The following ACSF3 variants were observed in gnomAD, a reference collection of about 807,000 sequenced individuals.
ACSF3 encodes malonate--CoA ligase ACSF3, mitochondrial.
ACSF3 carries 78 observed loss-of-function variants against 53.2 expected under a neutral mutation model. That is an observed-to-expected ratio of 1.47 (90% confidence interval 1.22 to 1.77). ACSF3 has a LOEUF of 1.77. Ranked by LOEUF, ACSF3 falls within the 40% of genes most tolerant of loss-of-function variation. ACSF3 has a pLI of 0.00. For synonymous variants in ACSF3, 414 were observed against 333.1 expected (o/e 1.24, Z -2.65); for missense variants, 937 against 771.1 (o/e 1.22, Z -2.55).
intron 8 of ACSF3, among the ~76,000 whole-genome samples, chr16:89,142,774 GACACCCACACCTGCAGAC>G (rs1238268188): frequency 0.014 from 1,603 of 112,918 alleles, 15 homozygotes; most frequent in East Asian, 0.04. Context: ...CACCTACAGA[GACACCCACACCTGCAGAC>G]ACACCCACAC....
chr16:89,131,121 CTTTTTCTTTTTTTTTT>C (rs1472219424), intron 7 of ACSF3, among the ~76,000 whole-genome samples: 88 of 114,930 alleles, frequency 7.7e-4, no homozygotes, highest in African/African-American at 2.5e-3. Flanking sequence ...TTTTCTTTTT[CTTTTTCTTTTTTTTTT>C]TTTTTTTTTT....
At chr16:89,116,243 G>A (rs1368460386) in intron 6 of ACSF3, among the ~76,000 whole-genome samples, 7 of 152,184 alleles carry the variant, frequency 4.6e-5, no homozygotes, top group Admixed American at 1.3e-4. Context: ...TTGAAAGTCC[G>A]TCGACTCCTG....
chr16:89,145,169 G>C (rs543506672), intron 8 of ACSF3, 98 bp from the exon 9 acceptor site: 1 of 1,612,746 alleles, frequency 6.2e-7, no homozygotes, highest in South Asian at 1.1e-5. Context: ...AGAGGACACC[G>C]TGGTGTTTAA....
chr16:89,107,443 G>A (rs569557500), intron 4 of ACSF3, among the ~76,000 whole-genome samples: 43 of 151,240 alleles, frequency 2.8e-4, no homozygotes, highest in African/African-American at 8.3e-4. Flanking sequence ...TGCTCTCCCC[G>A]CCTCGGCACC....
At chr16:89,126,079 C>T (rs1247023817) in intron 7 of ACSF3, among the ~76,000 whole-genome samples, 1 of 152,256 alleles carries the variant, frequency 6.6e-6, no homozygotes, top group African/African-American at 2.4e-5. Flanking sequence ...TTACTTAGAT[C>T]AGTGAACATG....
At chr16:89,111,411 G>A (rs1003012830) in intron 4 of ACSF3, among the ~76,000 whole-genome samples, 4 of 152,230 alleles carry the variant, frequency 2.6e-5, no homozygotes, top group South Asian at 4.1e-4. Flanking sequence ...CCGTGTGGGC[G>A]AGATCTGTCC....
chr16:89,119,957 G>A (rs368786220), intron 6 of ACSF3, among the ~76,000 whole-genome samples: 1 of 152,212 alleles, frequency 6.6e-6, no homozygotes, highest in African/African-American at 2.4e-5. Flanking sequence ...GCAGGCCAGG[G>A]CAAAGGCCTC....
At chr16:89,140,680 C>T (rs185628376) in intron 8 of ACSF3, among the ~76,000 whole-genome samples, 5 of 152,270 alleles carry the variant, frequency 3.3e-5, no homozygotes, top group Admixed American at 2.0e-4. Flanking sequence ...ATCTTGCGTG[C>T]GGGTCAGGAC....
chr16:89,143,231 G>A (rs59511017), intron 8 of ACSF3, among the ~76,000 whole-genome samples: 3,376 of 149,344 alleles, frequency 0.023, 97 homozygotes, highest in East Asian at 0.12. Flanking sequence ...AGCCCCGTGC[G>A]TAGCTGTGGT....
intron 5 of ACSF3, among the ~76,000 whole-genome samples, chr16:89,112,558 T>C (rs952787673): frequency 2.0e-5 from 3 of 152,188 alleles, no homozygotes; most frequent in Non-Finnish European, 2.9e-5. Context: ...TCTCTCCATC[T>C]ATCTGTCTTC....
At chr16:89,100,213 GC>G (rs1258257873) in intron 2 of ACSF3, among the ~76,000 whole-genome samples, 3 of 152,264 alleles carry the variant, frequency 2.0e-5, no homozygotes, top group Non-Finnish European at 4.4e-5. Flanking sequence ...GAGAGGCAGC[GC>G]CGTGTCTGCC....
At chr16:89,117,141 G>A (rs923246472) in intron 6 of ACSF3, among the ~76,000 whole-genome samples, 5 of 152,166 alleles carry the variant, frequency 3.3e-5, no homozygotes, top group African/African-American at 1.2e-4. Context: ...TCTTTGTTCC[G>A]GACATGTGAG....
At position 89,124,786 on chromosome 16, in the gene ACSF3, GCA is replaced by G. The variant is rs1491037826; in HGVS notation, c.1239+3874_1239+3875del. Among the ~76,000 whole-genome samples the G allele has an allele frequency of 9.2e-5, 7 of 75,944 alleles. No homozygotes were observed. In the East Asian group the frequency reaches 1.7e-3, roughly 19 times the overall value. 49.8% of individuals were successfully genotyped at this position (75,944 alleles called of 152,430 possible). ...TGTATGTGACACCTGTGCGCACACT[GCA>G]TGTGTGTGTGATATTTGTTGAAAAG... On this transcript the variant is annotated intron_variant, in intron 7 of 10. Coordinates refer to ENST00000614302, the MANE Select transcript of ACSF3 (RefSeq NM_001243279.3).
intron 6 of ACSF3, among the ~76,000 whole-genome samples, chr16:89,119,467 TGGG>T (rs1906072715): frequency 6.6e-6 from 1 of 151,882 alleles, no homozygotes; most frequent in African/African-American, 2.4e-5. Flanking sequence ...CTAGGGGAAG[TGGG>T]GGGCTGTGCA....
intron 6 of ACSF3, among the ~76,000 whole-genome samples, chr16:89,118,658 C>T (rs1165656564): frequency 6.6e-6 from 1 of 152,212 alleles, no homozygotes; most frequent in African/African-American, 2.4e-5. Flanking sequence ...TAATTCATGG[C>T]CGACCACTGC....
At chr16:89,105,710 G>T (rs1285201713) in intron 4 of ACSF3, among the ~76,000 whole-genome samples, 6 of 152,230 alleles carry the variant, frequency 3.9e-5, no homozygotes, top group African/African-American at 1.4e-4. Flanking sequence ...GTCTACCATG[G>T]TCACTTGGGC....
intron 6 of ACSF3, among the ~76,000 whole-genome samples, chr16:89,117,067 G>A (rs528801022): frequency 1.2e-4 from 19 of 152,268 alleles, no homozygotes; most frequent in African/African-American, 1.9e-4. Context: ...AGCCCGGCTC[G>A]CTGAGGCTGC....
chr16:89,124,443 G>C (rs964659947), intron 7 of ACSF3, among the ~76,000 whole-genome samples: 1 of 149,664 alleles, frequency 6.7e-6, no homozygotes, highest in Admixed American at 6.7e-5. Context: ...GTATGTGTGT[G>C]ATACCCGTGC....
chr16:89,145,091 G>A (rs1912639626), intron 8 of ACSF3, 176 bp from the exon 9 acceptor site: 1 of 1,543,320 alleles, frequency 6.5e-7, no homozygotes, highest in Admixed American at 1.9e-5. Context: ...CAGGAATGTG[G>A]GCTTACCTGG....
Sources: allele counts gnomAD v4.1 joint callset (sites outside exome capture counted in the v4.1 genomes callset), GRCh38; gene constraint gnomAD v4.1.1; transcripts MANE v1.5; gene names NCBI Gene and HGNC (gene_info 2026-07-23, HGNC 2026-07-21).